The following SYNDIG1 variants were observed in gnomAD, a reference collection of about 807,000 sequenced individuals.
SYNDIG1 encodes the protein synapse differentiation inducing 1, also known as synapse differentiation-inducing gene protein 1.
In SYNDIG1, 9 loss-of-function variants were observed where a neutral mutation model predicts 19.4. The observed-to-expected ratio is 0.46, with a 90% CI of 0.28 to 0.81. The LOEUF (loss-of-function observed/expected upper bound fraction) is 0.81, where lower values mean the gene tolerates loss of function less well. Among genes scored for constraint, SYNDIG1 ranks in the 30% least tolerant of loss-of-function variants. SYNDIG1 has a pLI of 0.12. For missense variants in SYNDIG1, 311 were observed against 343.3 expected (o/e 0.91, Z 0.74); for synonymous variants, 141 against 145.9 (o/e 0.97, Z 0.24).
chr20:24,653,593 C>A (rs1012288374), intron 3 of SYNDIG1, among the ~76,000 whole-genome samples: 6 of 152,166 alleles, frequency 3.9e-5, no homozygotes, highest in Admixed American at 2.6e-4. Flanking sequence ...ATGCCCAGGC[C>A]CCAGTGCTCC....
intron 3 of SYNDIG1, 46 bp downstream of exon 3, chr20:24,585,039 G>C: frequency 7.0e-7 from 1 of 1,430,004 alleles, no homozygotes. Context: ...GGTGTTCACA[G>C]GGTGGGGGTG....
intron 1 of SYNDIG1, among the ~76,000 whole-genome samples, chr20:24,541,695 A>C (rs965768952): frequency 6.6e-6 from 1 of 152,250 alleles, no homozygotes; most frequent in African/African-American, 2.4e-5. Context: ...GAGACTGCTT[A>C]TGCAGAAATA....
intron 3 of SYNDIG1, among the ~76,000 whole-genome samples, chr20:24,628,891 G>A (rs1227230822): frequency 6.6e-6 from 1 of 152,144 alleles, no homozygotes; most frequent in Non-Finnish European, 1.5e-5. Context: ...AGATTGGGTG[G>A]GAGGGAAAGC....
At chr20:24,531,531 A>G (rs895104650) in intron 1 of SYNDIG1, among the ~76,000 whole-genome samples, 1 of 152,236 alleles carries the variant, frequency 6.6e-6, no homozygotes, top group African/African-American at 2.4e-5. Context: ...TTTGTTTGAA[A>G]ATAATTGCAC....
chr20:24,606,573 T>C lies in SYNDIG1; in HGVS notation c.618+21580T>C, dbSNP rs974368800. On this transcript the variant is annotated intron_variant, in intron 3 of 3. Transcript: ENST00000376862. Reference sequence around the variant, plus strand: ...AGTTATTATAAAAAGAGAACAAATCTGAATTAGAAATGTCCATCTGGATGC... The same window carrying C: ...AGTTATTATAAAAAGAGAACAAATCCGAATTAGAAATGTCCATCTGGATGC... Among the ~76,000 whole-genome samples the C allele has an allele frequency of 2.0e-5, 3 of 152,222 alleles. No homozygotes were observed. The East Asian group carries it at 5.8e-4, about 29-fold the overall frequency.
chr20:24,559,395 T>C (rs2057891730), intron 2 of SYNDIG1, among the ~76,000 whole-genome samples: 1 of 152,224 alleles, frequency 6.6e-6, no homozygotes, highest in African/African-American at 2.4e-5. Flanking sequence ...ACCTGACCAC[T>C]ATGCAATTTA....
chr20:24,557,860 A>T (rs1354791624), intron 2 of SYNDIG1, among the ~76,000 whole-genome samples: 4 of 151,996 alleles, frequency 2.6e-5, no homozygotes, highest in Non-Finnish European at 5.9e-5. Flanking sequence ...TGCAGAAATC[A>T]CCCGTCTTCT....
intron 2 of SYNDIG1, among the ~76,000 whole-genome samples, chr20:24,563,141 C>T (rs1432286434): frequency 1.3e-5 from 2 of 152,286 alleles, no homozygotes; most frequent in Middle Eastern, 3.4e-3. Flanking sequence ...CTTCAGAATG[C>T]CCTATAATGT....
chr20:24,554,643 AG>A (rs2057774863), intron 2 of SYNDIG1, among the ~76,000 whole-genome samples: 1 of 152,128 alleles, frequency 6.6e-6, no homozygotes, highest in East Asian at 1.9e-4. Flanking sequence ...CTTGCATCCC[AG>A]GGATGAAGCC....
At chr20:24,495,044 T>G (rs2056261478) in intron 1 of SYNDIG1, among the ~76,000 whole-genome samples, 1 of 152,260 alleles carries the variant, frequency 6.6e-6, no homozygotes, top group Non-Finnish European at 1.5e-5. Context: ...CTAATGCATC[T>G]GCGGTAGTCA....
At chr20:24,582,741 T>C (rs1310249583) in intron 2 of SYNDIG1, among the ~76,000 whole-genome samples, 1 of 152,104 alleles carries the variant, frequency 6.6e-6, no homozygotes, top group Non-Finnish European at 1.5e-5. Context: ...TTGGAGACCA[T>C]ATGGGGGCCA....
chr20:24,514,330 A>G (rs1485977538), intron 1 of SYNDIG1, among the ~76,000 whole-genome samples: 3 of 152,224 alleles, frequency 2.0e-5, no homozygotes, highest in Non-Finnish European at 4.4e-5. Flanking sequence ...ATAAACTGGC[A>G]AATTGGATAA....
intron 2 of SYNDIG1, among the ~76,000 whole-genome samples, chr20:24,578,623 C>T (rs1056962198): frequency 4.6e-5 from 7 of 152,182 alleles, no homozygotes; most frequent in South Asian, 4.2e-4. Context: ...GTGGCATTTG[C>T]GCAAAAGCCT....
At chr20:24,516,470 T>C (rs1005274562) in intron 1 of SYNDIG1, among the ~76,000 whole-genome samples, 1 of 152,038 alleles carries the variant, frequency 6.6e-6, no homozygotes, top group Non-Finnish European at 1.5e-5. Flanking sequence ...CAAACAAATT[T>C]ACGAGAAAAA....
intron 2 of SYNDIG1, among the ~76,000 whole-genome samples, chr20:24,557,745 G>A (rs1032702416): frequency 9.9e-5 from 15 of 152,250 alleles, no homozygotes; most frequent in African/African-American, 2.4e-4. Flanking sequence ...TAGGCTGCTC[G>A]GGGGTCAGGG....
intron 3 of SYNDIG1, among the ~76,000 whole-genome samples, chr20:24,650,482 CA>C (rs1483680180): frequency 6.6e-6 from 1 of 152,170 alleles, no homozygotes; most frequent in Non-Finnish European, 1.5e-5. Flanking sequence ...ACCATGGAGC[CA>C]AATGAAACAA....
chr20:24,471,911 A>G (rs1325632000), intron 1 of SYNDIG1, among the ~76,000 whole-genome samples: 1 of 152,242 alleles, frequency 6.6e-6, no homozygotes, highest in Non-Finnish European at 1.5e-5. Context: ...TACCCCATAA[A>G]CATACACAAT....
chr20:24,568,112 G>A (rs2058084940), intron 2 of SYNDIG1, among the ~76,000 whole-genome samples: 1 of 152,150 alleles, frequency 6.6e-6, no homozygotes, highest in African/African-American at 2.4e-5. Context: ...TTGCACTCCA[G>A]CCTGGGCGAC....
At chr20:24,598,219 C>G (rs148517040) in intron 3 of SYNDIG1, among the ~76,000 whole-genome samples, 1 of 152,096 alleles carries the variant, frequency 6.6e-6, no homozygotes, top group Non-Finnish European at 1.5e-5. Flanking sequence ...CATGCACTCA[C>G]GAAACAAGAA....
Sources: allele counts gnomAD v4.1 joint callset (sites outside exome capture counted in the v4.1 genomes callset), GRCh38; gene constraint gnomAD v4.1.1; transcripts MANE v1.5; gene names NCBI Gene and HGNC (gene_info 2026-07-23, HGNC 2026-07-21).